The following ABI3BP variants were observed in gnomAD, a reference collection of about 807,000 sequenced individuals.
ABI3BP encodes target of Nesh-SH3.
ABI3BP carries 216 observed loss-of-function variants against 268.6 expected under a neutral mutation model. The ratio of observed to expected loss-of-function variants is 0.80; its 90% CI spans 0.72 to 0.90. The LOEUF is 0.90. ABI3BP is among the 40% of genes least tolerant of loss of function. ABI3BP has a pLI of 0.00. For synonymous variants in ABI3BP, 730 were observed against 730.0 expected (o/e 1.00, Z 0.00); for missense variants, 2,090 against 2,182.4 (o/e 0.96, Z 0.84).
At chr3:100,852,087 C>G in intron 14 of ABI3BP, 147 bp from the exon 15 acceptor site, 1 of 672,692 alleles carries the variant, frequency 1.5e-6, no homozygotes, top group Admixed American at 2.9e-5. Context: ...GGCTGCCAGC[C>G]TTGTCACTAA....
chr3:100,832,022 C>T (rs2098502969), intron 31 of ABI3BP, among the ~76,000 whole-genome samples: 1 of 152,116 alleles, frequency 6.6e-6, no homozygotes, highest in African/African-American at 2.4e-5. Flanking sequence ...CAATACTGAG[C>T]AGCTTTGTCT....
At chr3:100,920,976 A>G (rs2060043423) in intron 2 of ABI3BP, among the ~76,000 whole-genome samples, 1 of 152,194 alleles carries the variant, frequency 6.6e-6, no homozygotes, top group Non-Finnish European at 1.5e-5. Context: ...ATCCTTGTCC[A>G]GGACTTTTTT....
At chr3:100,830,707 C>A (rs1470409589) in intron 31 of ABI3BP, 73 bp from the exon 32 acceptor site, 1 of 1,281,040 alleles carries the variant, frequency 7.8e-7, no homozygotes, top group Non-Finnish European at 1.1e-6. Context: ...CATCTTACCA[C>A]CAAAAATCGG....
intron 1 of ABI3BP, among the ~76,000 whole-genome samples, chr3:100,933,334 T>C (rs1258462377): frequency 2.0e-5 from 3 of 151,868 alleles, no homozygotes; most frequent in African/African-American, 7.2e-5. Context: ...AATAACATCA[T>C]TTCAGGATTA....
At chr3:100,945,361 T>C (rs1255602338) in intron 1 of ABI3BP, among the ~76,000 whole-genome samples, 1 of 152,174 alleles carries the variant, frequency 6.6e-6, no homozygotes, top group East Asian at 1.9e-4. Context: ...TCTCCCATTT[T>C]AAGTATACAG....
intron 2 of ABI3BP, among the ~76,000 whole-genome samples, chr3:100,910,456 C>T (rs1423272706): frequency 6.6e-6 from 1 of 151,752 alleles, no homozygotes; most frequent in Non-Finnish European, 1.5e-5. Context: ...ATTTTAATGA[C>T]TTCGATAAAA....
At chr3:100,766,457 A>G (rs905019285) in intron 62 of ABI3BP, among the ~76,000 whole-genome samples, 2 of 152,260 alleles carry the variant, frequency 1.3e-5, no homozygotes, top group African/African-American at 4.8e-5. Context: ...ATAGCAGCTA[A>G]TCAAATAATA....
intron 57 of ABI3BP, among the ~76,000 whole-genome samples, 174 bp from the exon 58 acceptor site, chr3:100,780,383 A>T (rs1198889756): frequency 6.6e-6 from 1 of 152,194 alleles, no homozygotes; most frequent in Non-Finnish European, 1.5e-5. Flanking sequence ...TAAAAACCCT[A>T]CATTCACTAG....
At chr3:100,970,115 GT>G (rs1363676432) in intron 1 of ABI3BP, among the ~76,000 whole-genome samples, 1 of 152,142 alleles carries the variant, frequency 6.6e-6, no homozygotes, top group Non-Finnish European at 1.5e-5. Context: ...TAGATGGCCT[GT>G]TTGGGTCTCT....
chr3:100,755,529 G>T (rs1452795222), intron 63 of ABI3BP, among the ~76,000 whole-genome samples: 2 of 152,044 alleles, frequency 1.3e-5, no homozygotes, highest in African/African-American at 4.8e-5. Flanking sequence ...ATTCATATCG[G>T]CCAGTCCCTT....
chr3:100,883,706 G>A (rs531268520), intron 6 of ABI3BP, among the ~76,000 whole-genome samples: 1 of 152,026 alleles, frequency 6.6e-6, no homozygotes, highest in East Asian at 1.9e-4. Flanking sequence ...ACCACTTTTC[G>A]GGAAAGAAAT....
At chr3:100,919,000 C>T (rs2059475105) in intron 2 of ABI3BP, among the ~76,000 whole-genome samples, 1 of 152,198 alleles carries the variant, frequency 6.6e-6, no homozygotes, top group South Asian at 2.1e-4. Flanking sequence ...TAACTGCCAT[C>T]TTGCATCCGT....
intron 51 of ABI3BP, among the ~76,000 whole-genome samples, chr3:100,799,482 A>G (rs1053300280): frequency 2.6e-5 from 4 of 152,150 alleles, no homozygotes; most frequent in African/African-American, 9.7e-5. Context: ...GTAAGTTTCT[A>G]AAATCTGGAA....
chr3:100,912,017 A>G (rs540351615), intron 2 of ABI3BP: 44 of 763,790 alleles, frequency 5.8e-5, no homozygotes, highest in Non-Finnish European at 9.5e-5. Flanking sequence ...TCAATTGTAT[A>G]AACAACTTCA....
At chr3:100,816,628 G>A (rs1020016730) in intron 43 of ABI3BP, 60 bp downstream of exon 43, 18 of 1,341,130 alleles carry the variant, frequency 1.3e-5, no homozygotes, top group Non-Finnish European at 1.8e-5. Context: ...GGACTTTATT[G>A]GGACAGCCTG....
intron 57 of ABI3BP, among the ~76,000 whole-genome samples, chr3:100,786,710 GA>G (rs1345704296): frequency 6.6e-6 from 1 of 152,142 alleles, no homozygotes; most frequent in East Asian, 1.9e-4. Context: ...ATGTCAATCT[GA>G]AAAATTGTGC....
At chr3:100,919,453 A>G (rs1028785382) in intron 2 of ABI3BP, among the ~76,000 whole-genome samples, 4 of 152,358 alleles carry the variant, frequency 2.6e-5, no homozygotes, top group African/African-American at 9.6e-5. Context: ...CGTCTATACC[A>G]ATATAAAGAT....
chr3:100,824,739 C>T, intron 36 of ABI3BP, 119 bp downstream of exon 36: 1 of 770,848 alleles, frequency 1.3e-6, no homozygotes, highest in Non-Finnish European at 2.0e-6. Context: ...CTGATGATGC[C>T]TTATGCCCTC....
intron 8 of ABI3BP, 97 bp downstream of exon 8, chr3:100,875,411 A>C: frequency 1.1e-6 from 1 of 916,240 alleles, no homozygotes; most frequent in South Asian, 1.4e-5. Context: ...ACATCAATTA[A>C]ACAGAACTAC....
Sources: allele counts gnomAD v4.1 joint callset (sites outside exome capture counted in the v4.1 genomes callset), GRCh38; gene constraint gnomAD v4.1.1; transcripts MANE v1.5; gene names NCBI Gene and HGNC (gene_info 2026-07-23, HGNC 2026-07-21).